The following UXS1 variants were observed in gnomAD, a reference collection of about 807,000 sequenced individuals.
UXS1 encodes the protein UDP-glucuronate decarboxylase 1.
In UXS1, 33 loss-of-function variants were observed where a neutral mutation model predicts 62.6. The observed-to-expected ratio is 0.53, with a 90% CI of 0.40 to 0.70. The LOEUF is 0.70. UXS1 is among the 30% of genes least tolerant of loss of function. UXS1 has a pLI of 0.00. For missense variants in UXS1, 434 were observed against 556.3 expected, an observed-to-expected ratio of 0.78 and a Z score of 2.21; for synonymous variants, 213 against 206.8, an observed-to-expected ratio of 1.03 and a Z score of -0.26.
intron 9 of UXS1, among the ~76,000 whole-genome samples, chr2:106,120,416 G>A (rs1177499540): frequency 1.3e-5 from 2 of 152,230 alleles, no homozygotes; most frequent in Non-Finnish European, 2.9e-5. Context: ...TGACTGCACA[G>A]TGGGAACGGG....
At chr2:106,109,818 A>G (rs145208400) in intron 10 of UXS1, among the ~76,000 whole-genome samples, 391 of 152,336 alleles carry the variant, frequency 2.6e-3, no homozygotes, top group Non-Finnish European at 3.4e-3. Context: ...CTGCAAGGTA[A>G]GCAATCATAC....
intron 2 of UXS1, 95 bp from the exon 3 acceptor site, chr2:106,164,894 G>T: frequency 1.2e-6 from 1 of 838,386 alleles, no homozygotes; most frequent in Non-Finnish European, 1.8e-6. Flanking sequence ...GACCACCTCT[G>T]TCTCCTGCTC....
intron 1 of UXS1, among the ~76,000 whole-genome samples, chr2:106,190,619 T>G (rs770616244): frequency 8.6e-5 from 13 of 152,010 alleles, no homozygotes; most frequent in Admixed American, 2.6e-4. Context: ...GGCGCATGCC[T>G]GTAATCCCAG....
chr2:106,097,472 T>C, intron 13 of UXS1: 1 of 341,462 alleles, frequency 2.9e-6, no homozygotes, highest in Non-Finnish European at 5.9e-6. Context: ...TTGCAGACTC[T>C]GCAGCGAATC....
At chr2:106,184,752 T>C (rs935307875) in intron 1 of UXS1, among the ~76,000 whole-genome samples, 2 of 152,184 alleles carry the variant, frequency 1.3e-5, no homozygotes, top group African/African-American at 4.8e-5. Flanking sequence ...GGTTCCAACA[T>C]GTGAATTCCA....
At chr2:106,192,718 GCCCT>G (rs1287084075) in intron 1 of UXS1, among the ~76,000 whole-genome samples, 4 of 151,850 alleles carry the variant, frequency 2.6e-5, no homozygotes, top group Admixed American at 2.6e-4. Context: ...TCAAATTTTG[GCCCT>G]CCTTCTCTTA....
At chr2:106,178,033 T>C (rs1442567) in intron 1 of UXS1, among the ~76,000 whole-genome samples, 149,200 of 152,330 alleles carry the variant, frequency 0.98, 73,128 homozygotes, top group South Asian at 1. Flanking sequence ...AACTCCTCTG[T>C]ACAAACCTCT....
intron 1 of UXS1, among the ~76,000 whole-genome samples, chr2:106,170,168 C>G (rs1244944655): frequency 6.6e-6 from 1 of 152,190 alleles, no homozygotes; most frequent in Non-Finnish European, 1.5e-5. Flanking sequence ...CTGCAAGCAG[C>G]CCCCTGCATG....
chr2:106,104,317 C>A (rs1238448323), intron 11 of UXS1, among the ~76,000 whole-genome samples: 5 of 152,152 alleles, frequency 3.3e-5, no homozygotes, highest in African/African-American at 1.2e-4. Flanking sequence ...CCACGTGAAT[C>A]TATTCAAAAA....
intron 9 of UXS1, among the ~76,000 whole-genome samples, chr2:106,115,453 T>G (rs1407760484): frequency 6.6e-6 from 1 of 152,230 alleles, no homozygotes; most frequent in Non-Finnish European, 1.5e-5. Flanking sequence ...AACTGCTGAT[T>G]CATCCTAGGC....
intron 13 of UXS1, chr2:106,097,629 C>T (rs550572816): frequency 4.6e-6 from 1 of 216,910 alleles, no homozygotes. Flanking sequence ...AGCCTGTCAA[C>T]AGGCAGATCC....
intron 4 of UXS1, 35 bp from the exon 5 acceptor site, chr2:106,158,153 C>T: frequency 6.7e-7 from 1 of 1,486,898 alleles, no homozygotes; most frequent in Non-Finnish European, 9.2e-7. Context: ...AGGAAAAAGT[C>T]AAACATCTCA....
intron 6 of UXS1, among the ~76,000 whole-genome samples, chr2:106,130,793 A>G (rs1471827437): frequency 6.6e-6 from 1 of 152,158 alleles, no homozygotes; most frequent in African/African-American, 2.4e-5. Context: ...TCACCCAGTG[A>G]GGTGATGCCT....
intron 1 of UXS1, among the ~76,000 whole-genome samples, chr2:106,174,865 C>T (rs1683782650): frequency 6.6e-6 from 1 of 152,238 alleles, no homozygotes; most frequent in South Asian, 2.1e-4. Context: ...CCCACCCATC[C>T]CTGGGCCACC....
chr2:106,165,499 T>A (rs544949892), intron 2 of UXS1, among the ~76,000 whole-genome samples: 1 of 152,332 alleles, frequency 6.6e-6, no homozygotes, highest in Non-Finnish European at 1.5e-5. Flanking sequence ...TGCTTATTTC[T>A]TTTTGCTGAT....
rs1229983702 is a variant in UXS1 at position 106,105,803 on chromosome 2, AG to A, written c.880-967del. Among the ~76,000 whole-genome samples the A allele has an allele frequency of 2.6e-5, 4 of 152,344 alleles. 1 individual carries two copies. In the East Asian group the frequency reaches 7.7e-4, roughly 29 times the overall value. ...GGAGATCTCCTAAGCGCGGCATCACAGGAACAAGAGTGCCCTCGGGGGTTTT... is the reference window on the plus strand; with the variant it reads ...GGAGATCTCCTAAGCGCGGCATCACAGAACAAGAGTGCCCTCGGGGGTTTT... On this transcript the variant is annotated intron_variant, in intron 10 of 14. Transcript: ENST00000283148.
At chr2:106,115,132 A>G (rs1339831426) in intron 9 of UXS1, among the ~76,000 whole-genome samples, 1 of 152,182 alleles carries the variant, frequency 6.6e-6, no homozygotes, top group Non-Finnish European at 1.5e-5. Context: ...ACCACTGTTG[A>G]TGGTGGCAGT....
At chr2:106,153,162 G>A (rs999971890) in intron 5 of UXS1, among the ~76,000 whole-genome samples, 1 of 152,168 alleles carries the variant, frequency 6.6e-6, no homozygotes, top group African/African-American at 2.4e-5. Context: ...GAGAACCAAG[G>A]AGAGGACACT....
At chr2:106,193,535 T>C (rs1041733126) in intron 1 of UXS1, among the ~76,000 whole-genome samples, 2 of 151,986 alleles carry the variant, frequency 1.3e-5, no homozygotes, top group Non-Finnish European at 2.9e-5. Context: ...CCCAGCTGCC[T>C]GCCTGCTTCG....
Sources: allele counts gnomAD v4.1 joint callset (sites outside exome capture counted in the v4.1 genomes callset), GRCh38; gene constraint gnomAD v4.1.1; transcripts MANE v1.5; gene names NCBI Gene and HGNC (gene_info 2026-07-23, HGNC 2026-07-21).